Variants in SAMD3 observed in about 807,000 individuals in gnomAD.
SAMD3 encodes the protein sterile alpha motif domain containing 3, also known as sterile alpha motif domain-containing protein 3.
Under a neutral mutation model 58.5 loss-of-function variants are expected in SAMD3, and 63 were observed. That is an observed-to-expected ratio of 1.08 (90% CI 0.88 to 1.33). The LOEUF (loss-of-function observed/expected upper bound fraction) is 1.33. Among genes scored for constraint, SAMD3 ranks in the 40% most tolerant of loss-of-function variants. SAMD3 has a pLI of 0.00. For synonymous variants in SAMD3, 220 were observed against 210.3 expected, an observed-to-expected ratio of 1.05 and a Z score of -0.40; for missense variants, 604 against 608.4, an observed-to-expected ratio of 0.99 and a Z score of 0.08.
chr6:130,278,550 T>C (rs1466849086), intron 2 of SAMD3, among the ~76,000 whole-genome samples: 2 of 152,182 alleles, frequency 1.3e-5, no homozygotes, highest in African/African-American at 4.8e-5. Context: ...GTTGTTTTCC[T>C]ACAAATTATG....
At chr6:130,227,710 C>T (rs1796422392), upstream of SAMD3, among the ~76,000 whole-genome samples, 1 of 151,810 alleles carries the variant, frequency 6.6e-6, no homozygotes. Context: ...ATCGCTTGAA[C>T]CTGGTAGGCA....
intron 8 of SAMD3, among the ~76,000 whole-genome samples, chr6:130,156,837 G>A (rs1789826996): frequency 6.6e-6 from 1 of 152,132 alleles, no homozygotes; most frequent in Non-Finnish European, 1.5e-5. Flanking sequence ...GGGAGGCCGA[G>A]GCGGGTGGAT....
intron 5 of SAMD3, among the ~76,000 whole-genome samples, chr6:130,208,991 G>A (rs1207763392): frequency 6.6e-6 from 1 of 152,078 alleles, no homozygotes; most frequent in Non-Finnish European, 1.5e-5. Context: ...TTGTTTAGTT[G>A]TAATCCATAT....
At chr6:130,227,727 G>T (rs140331031), upstream of SAMD3, among the ~76,000 whole-genome samples, 13 of 151,396 alleles carry the variant, frequency 8.6e-5, no homozygotes, top group African/African-American at 3.2e-4. Context: ...GGCAGAGGTT[G>T]CAGTGAGCCA....
chr6:130,283,427 A>G (rs985557439), intron 2 of SAMD3, among the ~76,000 whole-genome samples: 9 of 152,216 alleles, frequency 5.9e-5, no homozygotes, highest in South Asian at 2.1e-4. Context: ...CTAAATAAAA[A>G]TAAATCACAC....
intron 2 of SAMD3, among the ~76,000 whole-genome samples, chr6:130,294,864 A>G (rs1275803837): frequency 8.3e-6 from 1 of 121,046 alleles, no homozygotes; most frequent in African/African-American, 2.9e-5. Flanking sequence ...TTCCTATAAT[A>G]TTTTTGAATT....
At chr6:130,226,585 G>C (rs1180582421), upstream of SAMD3, among the ~76,000 whole-genome samples, 1 of 152,208 alleles carries the variant, frequency 6.6e-6, no homozygotes, top group Non-Finnish European at 1.5e-5. Context: ...CCAGCACTTT[G>C]GGAGGCCAAG....
chr6:130,181,499 T>A (rs371897778), intron 7 of SAMD3, among the ~76,000 whole-genome samples: 2 of 152,186 alleles, frequency 1.3e-5, no homozygotes, highest in East Asian at 3.8e-4. Context: ...CTAAGCAATT[T>A]TGCACACATC....
intron 2 of SAMD3, among the ~76,000 whole-genome samples, chr6:130,239,020 A>G (rs561400049): frequency 2.0e-5 from 3 of 152,228 alleles, no homozygotes; most frequent in South Asian, 4.1e-4. Context: ...CGGCCTCCCA[A>G]AGTGCTGGGA....
intron 1 of SAMD3, among the ~76,000 whole-genome samples, chr6:130,330,562 T>C (rs1375104933): frequency 6.6e-6 from 1 of 152,230 alleles, no homozygotes; most frequent in East Asian, 1.9e-4. Context: ...AATTAAATTA[T>C]GTGACCATTG....
At chr6:130,321,784 C>T (rs1776594264) in intron 1 of SAMD3, among the ~76,000 whole-genome samples, 2 of 152,032 alleles carry the variant, frequency 1.3e-5, no homozygotes, top group Non-Finnish European at 2.9e-5. Flanking sequence ...ATATCCATTA[C>T]ATATTTGACA....
At chr6:130,309,710 C>T (rs1320236999) in intron 2 of SAMD3, among the ~76,000 whole-genome samples, 1 of 152,204 alleles carries the variant, frequency 6.6e-6, no homozygotes, top group Admixed American at 6.5e-5. Flanking sequence ...ACTTGAAGGA[C>T]TTGGGACACC....
intron 2 of SAMD3, among the ~76,000 whole-genome samples, chr6:130,287,260 T>A (rs1166092158): frequency 6.6e-6 from 1 of 152,228 alleles, no homozygotes; most frequent in African/African-American, 2.4e-5. Flanking sequence ...CTTATAACAA[T>A]CACATAACAT....
Position 130,344,825 on chromosome 6 carries a change from C to CAAAAA in SAMD3, c.-304+20290_-304+20294dup, listed in dbSNP as rs56795907. On this transcript the variant is annotated intron_variant, in intron 1 of 13. Coordinates refer to the SAMD3 transcript ENST00000368134. ...AAGGAAGCAGAAAGAACAACAACAG[C>CAAAAA]AAAAAAAAAAAAAAAAAAAAAAAAA... Among the ~76,000 whole-genome samples, 76 of 41,068 alleles carry CAAAAA rather than the reference C, an allele frequency of 1.9e-3. 1 individual carries two copies. The highest frequency in any genetic ancestry group is 4.7e-3 in the East Asian group (5 of 1,056). The allele number at this position is 41,068 out of a possible 152,430, so 26.9% of individuals were successfully genotyped here. A position where few individuals can be genotyped will look rare whatever the true frequency, so the allele number is the denominator to read the frequency against.
At chr6:130,207,961 C>T (rs966336484) in intron 5 of SAMD3, among the ~76,000 whole-genome samples, 2 of 152,214 alleles carry the variant, frequency 1.3e-5, no homozygotes, top group African/African-American at 2.4e-5. Context: ...GCCTTGCAGG[C>T]CTGAATCCAA....
intron 1 of SAMD3, among the ~76,000 whole-genome samples, chr6:130,354,685 A>C (rs1448321714): frequency 2.0e-5 from 3 of 152,222 alleles, no homozygotes; most frequent in Admixed American, 1.3e-4. Flanking sequence ...GAGGATTAAA[A>C]AAATAACTAT....
chr6:130,271,829 G>T (rs146345976), intron 2 of SAMD3, among the ~76,000 whole-genome samples: 1 of 152,200 alleles, frequency 6.6e-6, no homozygotes, highest in African/African-American at 2.4e-5. Flanking sequence ...TTACATGGTG[G>T]CAGGCAAGAG....
chr6:130,326,271 T>C (rs1207462639), intron 1 of SAMD3, among the ~76,000 whole-genome samples: 2 of 152,094 alleles, frequency 1.3e-5, no homozygotes, highest in African/African-American at 4.8e-5. Flanking sequence ...TATGCTTAAA[T>C]ACTACTGAGC....
At chr6:130,282,095 G>A (rs1774999975) in intron 2 of SAMD3, among the ~76,000 whole-genome samples, 1 of 151,902 alleles carries the variant, frequency 6.6e-6, no homozygotes, top group Non-Finnish European at 1.5e-5. Flanking sequence ...CTGAGGCCTT[G>A]CTTTACTTAC....
Sources: allele counts gnomAD v4.1 joint callset (sites outside exome capture counted in the v4.1 genomes callset), GRCh38; gene constraint gnomAD v4.1.1; transcripts MANE v1.5; gene names NCBI Gene and HGNC (gene_info 2026-07-23, HGNC 2026-07-21).